The following CDC42BPG variants were observed in gnomAD, a reference collection of about 807,000 sequenced individuals.
The protein encoded by CDC42BPG is CDC42 binding protein kinase gamma, also known as serine/threonine-protein kinase MRCK gamma.
In CDC42BPG, 157 loss-of-function variants were observed where a neutral mutation model predicts 192.2. That is an observed-to-expected ratio of 0.82 (90% CI 0.72 to 0.93). The LOEUF is 0.93. CDC42BPG is among the 40% of genes least tolerant of loss of function. The pLI, the probability that CDC42BPG is intolerant of heterozygous loss-of-function variation, is 0.00. For missense variants in CDC42BPG, 1,992 were observed against 2,122.1 expected, an observed-to-expected ratio of 0.94 and a Z score of 1.20; for synonymous variants, 981 against 918.5, an observed-to-expected ratio of 1.07 and a Z score of -1.23.
chr11:64,824,936 T>G (rs1047475070), intron 36 of CDC42BPG, among the ~76,000 whole-genome samples: 1 of 150,688 alleles, frequency 6.6e-6, no homozygotes, highest in African/African-American at 2.4e-5. Flanking sequence ...CGTTTTTTTT[T>G]TTGGAGACAG....
rs370925621 is a variant in CDC42BPG, at chr11:64,840,227, C to T, written c.474G>A (p.Thr158=). 3.7e-6 allele frequency: 6 copies of T among 1,612,950 alleles called. No homozygotes were observed. In the South Asian group the frequency reaches 5.5e-5, roughly 15 times the overall value. The change falls in exon 5 of 37, where the codon ACG becomes ACA. Residue 158 remains threonine, a synonymous_variant. Transcript: ENST00000342711. The stretch of plus-strand genomic sequence containing the variant: ...GACGGTCCTCGAAGCGGCTCAGCAG[C>T]GTCAGGAGGTCCCCACCAGCATAGT... ...MDYYAGGDLL[T]LLSRFEDRLP... is the part of the protein sequence containing the mutation.
chr11:64,836,287 C>T lies in CDC42BPG; in HGVS notation c.1498G>A (p.Glu500Lys), dbSNP rs776420617. Residue 500 changes from glutamate to lysine, a missense_variant, in exon 13 of 37, where the codon GAG (glutamate) becomes AAG (lysine). Glu to Lys is a moderately conservative substitution (Grantham distance 56). Transcript: ENST00000342711. ...TGAGCCTGCAGCCCTGCCCGACCCT[C>T]GGCCAGCTCCTGAGGAGGCAGGGGA... ...ELDRLHRELA[E>K]GRAGLQAQEQ... 23 of 1,605,542 alleles carry T rather than the reference C, an allele frequency of 1.4e-5. No homozygotes were observed. The highest frequency in any genetic ancestry group is 2.2e-5 in the East Asian group (1 of 44,758).
In CDC42BPG at chr11:64,839,467, G is replaced by A. The variant is rs772948606; in HGVS notation, c.675+11C>T. On this transcript the variant is annotated intron_variant, in intron 6 of 36. Coordinates refer to ENST00000342711, the MANE Select transcript of CDC42BPG (RefSeq NM_017525.3). Reference sequence around the variant, plus strand: ...GTATCCCCTGCTCCCACTCTGGGGCGGGGTCCTTACCATGCCGTTGGTGTT... The same window carrying A: ...GTATCCCCTGCTCCCACTCTGGGGCAGGGTCCTTACCATGCCGTTGGTGTT... The A allele has an allele frequency of 8.7e-6, 14 of 1,612,082 alleles. No homozygotes were observed. The highest frequency in any genetic ancestry group is 4.5e-5 in the East Asian group (2 of 44,874).
intron 30 of CDC42BPG, among the ~76,000 whole-genome samples, 175 bp downstream of exon 30, chr11:64,829,296 G>C (rs1009156567): frequency 6.6e-6 from 1 of 152,230 alleles, no homozygotes; most frequent in African/African-American, 2.4e-5. Context: ...CTCAGCCATG[G>C]AAAAGGAAGG....
intron 9 of CDC42BPG, among the ~76,000 whole-genome samples, 162 bp from the exon 10 acceptor site, chr11:64,837,181 G>C (rs531756226): frequency 6.6e-6 from 1 of 152,254 alleles, no homozygotes; most frequent in East Asian, 1.9e-4. Flanking sequence ...CGGGGTAGCA[G>C]CTGCAGGGCA....
chr11:64,833,314 G>A lies in CDC42BPG; in HGVS notation c.2648C>T (p.Pro883Leu). ...PAKPGSHTLR[P>L]RSFPSPTKCL... is the part of the protein sequence containing the mutation. ...CTTGGTCGGGGATGGGAAGCTCCGG[G>A]GGCGCAGCGTGTGTGAGCCGGGCTG... The change falls in exon 24 of 37, where the codon CCC becomes CTC. Residue 883 changes from proline (P) to leucine (L), a missense_variant. Coordinates refer to ENST00000342711, the MANE Select transcript of CDC42BPG (RefSeq NM_017525.3). 2.0e-6 allele frequency: 3 copies of A among 1,536,618 alleles called. No individual in the cohort carries two copies. Among genetic ancestry groups the A allele is most frequent in the Non-Finnish European group, 2.6e-6 (3 of 1,140,650 alleles).
rs540718199 is a variant in CDC42BPG at position 64,831,649 on chromosome 11, G to A, written c.3160C>T (p.Arg1054Trp). Residue 1054 changes from arginine (R) to tryptophan (W), a missense_variant, in exon 28 of 37, where the codon CGG (arginine) becomes TGG (tryptophan). Physicochemically the swap from Arg to Trp is moderately radical, Grantham distance 101. Transcript: ENST00000342711. ...CCCAGCACCTGCAGCCAGCGTTCCC[G>A]CTCCCCCTCGCTCTCTGCCAGCAGC... ...VLLLAESEGERERWLQVLGEL... is the reference protein window; with the variant it reads ...VLLLAESEGEWERWLQVLGEL... The A allele has an allele frequency of 6.8e-6, 11 of 1,610,130 alleles. No individual in the cohort carries two copies. The highest frequency in any genetic ancestry group is 4.5e-5 in the East Asian group (2 of 44,866).
At chr11:64,839,978 C>T in intron 5 of CDC42BPG, 142 bp downstream of exon 5, 1 of 846,268 alleles carries the variant, frequency 1.2e-6, no homozygotes, top group Middle Eastern at 3.5e-4. Flanking sequence ...TGGTATGATT[C>T]CAAGGAAGCA....
intron 6 of CDC42BPG, 107 bp from the exon 7 acceptor site, chr11:64,839,340 C>A: frequency 6.6e-7 from 1 of 1,518,466 alleles, no homozygotes; most frequent in Non-Finnish European, 9.1e-7. Context: ...TGGCCTGCTG[C>A]TGCCCACCTG....
chr11:64,836,366 A>T, intron 12 of CDC42BPG, 61 bp downstream of exon 12: 1 of 923,702 alleles, frequency 1.1e-6, no homozygotes, highest in Admixed American at 2.1e-5. Context: ...CATGGAGCCC[A>T]GGGCCACTCA....
Position 64,826,659 on chromosome 11 carries a change from G to A in CDC42BPG, c.4513+12C>T. ...GGGGGTGGCACACTGGAGGCTGAGGGGCTGCCCTTACTGGGGTCTGCGTCT... is the reference window on the plus strand; with the variant it reads ...GGGGGTGGCACACTGGAGGCTGAGGAGCTGCCCTTACTGGGGTCTGCGTCT... On this transcript the variant is annotated intron_variant, in intron 35 of 36. Coordinates refer to ENST00000342711, the MANE Select transcript of CDC42BPG (RefSeq NM_017525.3). The A allele has an allele frequency of 6.3e-7, 1 of 1,581,208 alleles. No homozygotes were observed. Among genetic ancestry groups the A allele is most frequent in the South Asian group, 1.2e-5 (1 of 86,442 alleles).
At position 64,836,916 on chromosome 11, in the gene CDC42BPG, C is replaced by T. The variant is rs1044921007; in HGVS notation, c.1303+6G>A. The T allele has an allele frequency of 6.2e-7, 1 of 1,613,368 alleles. No homozygotes were observed. The stretch of plus-strand genomic sequence containing the variant: ...CACCCAGGCCCGGCCCAGCCGCTCC[C>T]AGTACCTTGGTGCTTCCTGCTCAGC... On this transcript the variant is annotated splice_donor_region_variant and intron_variant, in intron 10 of 36. Transcript: ENST00000342711.
chr11:64,832,288 G>A (rs964708059), intron 27 of CDC42BPG, 140 bp downstream of exon 27: 6 of 888,840 alleles, frequency 6.8e-6, no homozygotes, highest in Admixed American at 2.0e-5. Context: ...AGGTGAGACC[G>A]GGCCAGGTGC....
Position 64,829,546 on chromosome 11 carries a change from C to T in CDC42BPG, c.3892G>A (p.Gly1298Ser), listed in dbSNP as rs1942583846. The T allele has an allele frequency of 6.2e-7, 1 of 1,612,818 alleles. No homozygotes were observed. The highest frequency in any genetic ancestry group is 1.1e-5 in the South Asian group (1 of 91,050). ...SEFLLLFTTA[G>S]IYVDGAGRKS... The stretch of plus-strand genomic sequence containing the variant: ...CGGCCTGCGCCATCCACGTAGATGC[C>T]AGCAGTGGTGAAGAGTAGCAGGAAC... Residue 1298 changes from glycine to serine, a missense_variant, in exon 30 of 37, where the codon GGC becomes AGC. Coordinates refer to ENST00000342711, the MANE Select transcript of CDC42BPG (RefSeq NM_017525.3).
chr11:64,839,377 G>C, intron 6 of CDC42BPG, 101 bp downstream of exon 6: 1 of 1,483,536 alleles, frequency 6.7e-7, no homozygotes. Context: ...CACCTTCCCC[G>C]GGGGGCCTGA....
chr11:64,836,802 TG>T lies in CDC42BPG; in HGVS notation c.1320del (p.Thr441GlnfsTer24). 1 of 1,597,232 alleles carries T rather than the reference TG, an allele frequency of 6.3e-7. No individual in the cohort carries two copies. On this transcript the variant is annotated frameshift_variant, in exon 11 of 37. Transcript: ENST00000342711. LOFTEE classifies it high-confidence loss of function. ...AGCTGCTCCAGCTCCCGATGGTCTG[TG>T]GGGGCGTGCAGGGCCTCTGGAGGGG... ...SRKHQEALHA[P>X]TDHRELEQLR...
intron 30 of CDC42BPG, among the ~76,000 whole-genome samples, chr11:64,828,831 C>G (rs1942554081): frequency 6.6e-6 from 1 of 152,188 alleles, no homozygotes; most frequent in Non-Finnish European, 1.5e-5. Flanking sequence ...GCAGGTGGAT[C>G]ACTTGGTCAG....
Position 64,829,919 on chromosome 11 carries a change from G to A in CDC42BPG, c.3519C>T (p.Ile1173=). 1 of 1,610,802 alleles carries A rather than the reference G, an allele frequency of 6.2e-7. No homozygotes were observed. Among genetic ancestry groups the A allele is most frequent in the Non-Finnish European group, 8.5e-7 (1 of 1,179,036 alleles). ...GCACCTGGCAGCCTCGAGACTCGGGGATCTTGGCACCTGCTACCTCTATGT... is the reference window on the plus strand; with the variant it reads ...GCACCTGGCAGCCTCGAGACTCGGGAATCTTGGCACCTGCTACCTCTATGT... ...LENIEVAGAK[I]PESRGCQVLA... The change falls in exon 30 of 37, where the codon ATC becomes ATT. Residue 1173 remains isoleucine, a synonymous_variant. Coordinates refer to ENST00000342711, the MANE Select transcript of CDC42BPG (RefSeq NM_017525.3).
At chr11:64,826,995 C>T in intron 34 of CDC42BPG, 55 bp downstream of exon 34, 1 of 1,322,882 alleles carries the variant, frequency 7.6e-7, no homozygotes, top group Non-Finnish European at 1.1e-6. Context: ...CCACAGAGGC[C>T]GGTTATTGGC....
Sources: allele counts gnomAD v4.1 joint callset (sites outside exome capture counted in the v4.1 genomes callset), GRCh38; gene constraint gnomAD v4.1.1; transcripts MANE v1.5; gene names NCBI Gene and HGNC (gene_info 2026-07-23, HGNC 2026-07-21).